Variants in ST6GALNAC3 observed in about 807,000 individuals in gnomAD.
ST6GALNAC3 encodes the protein ST6 N-acetylgalactosaminide alpha-2,6-sialyltransferase 3.
In ST6GALNAC3, 25 loss-of-function variants were observed where a neutral mutation model predicts 32.7. That is an observed-to-expected ratio of 0.76 (90% CI 0.56 to 1.07). The LOEUF (loss-of-function observed/expected upper bound fraction) is 1.07. ST6GALNAC3 is among the 50% of genes least tolerant of loss of function. The probability of loss-of-function intolerance (pLI) is 0.00; values close to 1 mark genes in which losing one functional copy is unlikely to be tolerated. For missense variants in ST6GALNAC3, 355 were observed against 382.4 expected, an observed-to-expected ratio of 0.93 and a Z score of 0.60; for synonymous variants, 129 against 133.1, an observed-to-expected ratio of 0.97 and a Z score of 0.21.
chr1:76,210,220 A>T (rs1293721349), intron 1 of ST6GALNAC3, among the ~76,000 whole-genome samples: 1 of 152,162 alleles, frequency 6.6e-6, no homozygotes, highest in Non-Finnish European at 1.5e-5. Context: ...TCCTGATTAG[A>T]GCTGCATTTT....
chr1:76,394,230 A>T (rs544137874), intron 2 of ST6GALNAC3, among the ~76,000 whole-genome samples: 9 of 152,224 alleles, frequency 5.9e-5, no homozygotes, highest in Non-Finnish European at 1.3e-4. Context: ...CACAAATCTG[A>T]TGACAGAGCC....
intron 3 of ST6GALNAC3, among the ~76,000 whole-genome samples, chr1:76,613,789 T>G (rs987483931): frequency 1.3e-5 from 2 of 152,230 alleles, no homozygotes; most frequent in African/African-American, 4.8e-5. Flanking sequence ...CTGAGGCCTC[T>G]CCAGCAATGC....
intron 3 of ST6GALNAC3, among the ~76,000 whole-genome samples, chr1:76,494,645 A>ATG (rs1168356585): frequency 1.9e-5 from 2 of 102,638 alleles, no homozygotes; most frequent in Non-Finnish European, 3.8e-5. Context: ...TTTCATGTGT[A>ATG]TGCGCACACA....
At chr1:76,616,556 C>T (rs1648304030) in intron 3 of ST6GALNAC3, among the ~76,000 whole-genome samples, 1 of 152,120 alleles carries the variant, frequency 6.6e-6, no homozygotes, top group African/African-American at 2.4e-5. Context: ...TGATGATACC[C>T]TTTTATTTGG....
intron 3 of ST6GALNAC3, among the ~76,000 whole-genome samples, chr1:76,454,053 C>T (rs907958403): frequency 6.6e-6 from 1 of 152,100 alleles, no homozygotes; most frequent in African/African-American, 2.4e-5. Context: ...TATTTTTTAA[C>T]TGCTGTTGCT....
intron 2 of ST6GALNAC3, among the ~76,000 whole-genome samples, chr1:76,357,053 G>A (rs1396323397): frequency 6.7e-6 from 1 of 150,228 alleles, no homozygotes; most frequent in African/African-American, 2.4e-5. Flanking sequence ...AAATGAAAAA[G>A]TCTAAAGTCT....
chr1:76,236,654 A>G (rs17098457), intron 1 of ST6GALNAC3, among the ~76,000 whole-genome samples: 9,901 of 152,162 alleles, frequency 0.065, 308 homozygotes, highest in Non-Finnish European at 0.065. Context: ...AGGCTTCACA[A>G]CTTGTTTATG....
intron 1 of ST6GALNAC3, among the ~76,000 whole-genome samples, chr1:76,211,032 T>G (rs1049256621): frequency 6.6e-6 from 1 of 152,208 alleles, no homozygotes; most frequent in Non-Finnish European, 1.5e-5. Flanking sequence ...CCTCTCTTCC[T>G]CTTCTTATGG....
At chr1:76,483,335 CCA>C (rs1280292400) in intron 3 of ST6GALNAC3, among the ~76,000 whole-genome samples, 1 of 152,098 alleles carries the variant, frequency 6.6e-6, no homozygotes, top group East Asian at 1.9e-4. Context: ...GTTTACAGTC[CCA>C]CCAACAGTGT....
At chr1:76,422,828 A>C (rs1374977000) in intron 3 of ST6GALNAC3, among the ~76,000 whole-genome samples, 1 of 152,050 alleles carries the variant, frequency 6.6e-6, no homozygotes, top group Non-Finnish European at 1.5e-5. Context: ...AACATCTAGC[A>C]CTATTTTTGT....
intron 3 of ST6GALNAC3, among the ~76,000 whole-genome samples, chr1:76,502,593 T>C (rs897635033): frequency 6.6e-6 from 1 of 152,152 alleles, no homozygotes; most frequent in African/African-American, 2.4e-5. Context: ...CCTCCTTTTA[T>C]AGAGACAGCA....
intron 3 of ST6GALNAC3, among the ~76,000 whole-genome samples, chr1:76,442,463 G>C (rs1457141265): frequency 1.3e-5 from 2 of 152,188 alleles, no homozygotes; most frequent in Non-Finnish European, 2.9e-5. Flanking sequence ...TAGCATGACA[G>C]TTCAGAGGTG....
intron 1 of ST6GALNAC3, among the ~76,000 whole-genome samples, chr1:76,206,832 T>C (rs564918224): frequency 6.6e-6 from 1 of 152,344 alleles, no homozygotes; most frequent in Admixed American, 6.5e-5. Flanking sequence ...AAGCTCATGC[T>C]TAAATGATAA....
intron 3 of ST6GALNAC3, among the ~76,000 whole-genome samples, chr1:76,546,844 C>T (rs1664328364): frequency 6.6e-6 from 1 of 152,216 alleles, no homozygotes; most frequent in Non-Finnish European, 1.5e-5. Context: ...CACCTGGCAC[C>T]ACACGTTGTG....
chr1:76,134,411 A>G (rs1048092960), intron 1 of ST6GALNAC3, among the ~76,000 whole-genome samples: 2 of 152,172 alleles, frequency 1.3e-5, no homozygotes, highest in Admixed American at 6.5e-5. Context: ...CTCCTAGTCT[A>G]TGAGATGAGG....
At chr1:76,521,897 C>T (rs1398856875) in intron 3 of ST6GALNAC3, among the ~76,000 whole-genome samples, 3 of 151,956 alleles carry the variant, frequency 2.0e-5, no homozygotes, top group South Asian at 2.1e-4. Flanking sequence ...GGTGAAACCC[C>T]GTCTCTACTA....
chr1:76,515,730 T>G (rs2101771414), intron 3 of ST6GALNAC3, among the ~76,000 whole-genome samples: 1 of 152,314 alleles, frequency 6.6e-6, no homozygotes, highest in Middle Eastern at 3.4e-3. Flanking sequence ...AAAGTTTTTC[T>G]CGTTGTTGAT....
intron 1 of ST6GALNAC3, among the ~76,000 whole-genome samples, chr1:76,099,234 T>C (rs918131625): frequency 2.6e-5 from 4 of 152,174 alleles, no homozygotes; most frequent in African/African-American, 7.2e-5. Flanking sequence ...TTTAAGGTGA[T>C]CCTGGCCCTT....
chr1:76,483,933 T>TAAATATGGCTAGCCAGCTTTCC (rs1553125509), intron 3 of ST6GALNAC3, among the ~76,000 whole-genome samples: 9 of 152,170 alleles, frequency 5.9e-5, no homozygotes, highest in African/African-American at 2.2e-4. Flanking sequence ...TTCAGCTTTC[T>TAAATATGGCTAGCCAGCTTTCC]ACATACGGCT....
Sources: allele counts gnomAD v4.1 joint callset (sites outside exome capture counted in the v4.1 genomes callset), GRCh38; gene constraint gnomAD v4.1.1; transcripts MANE v1.5; gene names NCBI Gene and HGNC (gene_info 2026-07-23, HGNC 2026-07-21).